Variants in SNX29 observed in about 807,000 individuals in gnomAD.
SNX29 encodes sorting nexin-29.
In SNX29, 78 loss-of-function variants were observed where a neutral mutation model predicts 102.1. The ratio of observed to expected loss-of-function variants is 0.76; its 90% CI spans 0.64 to 0.92. SNX29 has a LOEUF of 0.92. SNX29 is among the 40% of genes least tolerant of loss of function. SNX29 has a pLI of 0.00. For synonymous variants in SNX29, 580 were observed against 414.5 expected (o/e 1.40, Z -4.85); for missense variants, 1,280 against 1,061.7 (o/e 1.21, Z -2.86).
intron 13 of SNX29, among the ~76,000 whole-genome samples, chr16:12,163,735 G>T (rs1366278941): frequency 6.6e-6 from 1 of 152,150 alleles, no homozygotes. Context: ...GTTCAGCCAG[G>T]GCTGAGGACT....
intron 14 of SNX29, among the ~76,000 whole-genome samples, chr16:12,231,329 C>A (rs576698686): frequency 4.6e-5 from 7 of 152,184 alleles, no homozygotes; most frequent in Admixed American, 2.0e-4. Context: ...TTTTCCCTCT[C>A]TGTAGACACT....
intron 18 of SNX29, among the ~76,000 whole-genome samples, chr16:12,466,550 C>T (rs887715904): frequency 6.6e-6 from 1 of 152,186 alleles, no homozygotes; most frequent in Non-Finnish European, 1.5e-5. Context: ...TCCAGAGTCG[C>T]GGCCTGTCTT....
rs34150245 is a variant in SNX29 at position 12,058,797 on chromosome 16, GTT to G, written c.1125-2705_1125-2704del. Among the ~76,000 whole-genome samples the G allele has an allele frequency of 9.0e-4, 102 of 113,750 alleles. 3 individuals are homozygous for G. Among genetic ancestry groups the G allele is most frequent in the African/African-American group, 2.5e-3 (75 of 30,002 alleles). 74.6% of individuals were successfully genotyped at this position (113,750 alleles called of 152,430 possible). ...GTGTGAGCCACAGCACCCGGCCTGG[GTT>G]TTTTTTTTTTTTTTTTTTTTTTTTT... On this transcript the variant is annotated intron_variant, in intron 8 of 20. Coordinates refer to ENST00000566228, the MANE Select transcript of SNX29 (RefSeq NM_032167.5).
rs769196640 is a variant in SNX29, at chr16:12,129,693, C to T, written c.1530C>T (p.Asp510=). ...EHSAALRQEV[D]TLKRKVAEQE... ...CAGCCGCGCTCCGGCAAGAGGTGGA[C>T]ACCTTGAAAAGGAAGGTGGCTGAAC... is the stretch of plus-strand genomic sequence containing the variant. The change falls in exon 13 of 21, where the codon GAC becomes GAT. Residue 510 remains aspartate (D), a synonymous_variant. Coordinates refer to ENST00000566228, the MANE Select transcript of SNX29 (RefSeq NM_032167.5). The T allele has an allele frequency of 1.6e-5, 26 of 1,611,110 alleles. No homozygotes were observed. The highest frequency in any genetic ancestry group is 2.0e-5 in the Non-Finnish European group (24 of 1,179,512).
chr16:12,290,033 G>A (rs2079739394), intron 15 of SNX29, among the ~76,000 whole-genome samples: 1 of 152,162 alleles, frequency 6.6e-6, no homozygotes, highest in Non-Finnish European at 1.5e-5. Context: ...CTGAGACAGG[G>A]CGGAGGGAGG....
chr16:12,037,068 A>G (rs1567551108), intron 4 of SNX29, among the ~76,000 whole-genome samples: 1 of 152,194 alleles, frequency 6.6e-6, no homozygotes, highest in South Asian at 2.1e-4. Context: ...AATGGCCCCA[A>G]GTAGCTCCAG....
chr16:12,542,939 T>A (rs2077409109), intron 20 of SNX29, among the ~76,000 whole-genome samples: 1 of 152,144 alleles, frequency 6.6e-6, no homozygotes, highest in Non-Finnish European at 1.5e-5. Flanking sequence ...AGAGCCCTAC[T>A]TCAAATTAGC....
intron 15 of SNX29, among the ~76,000 whole-genome samples, chr16:12,310,960 A>G (rs1296419720): frequency 6.6e-6 from 1 of 152,238 alleles, no homozygotes. Context: ...TCTTTCCTAA[A>G]TAACAGCTGT....
chr16:12,234,749 C>T (rs1379445151), intron 14 of SNX29, among the ~76,000 whole-genome samples: 1 of 152,184 alleles, frequency 6.6e-6, no homozygotes, highest in Non-Finnish European at 1.5e-5. Context: ...TTCATTCCCT[C>T]TCTGGACTTA....
At chr16:12,546,271 G>C (rs988758058) in intron 20 of SNX29, 3 of 152,218 alleles carry the variant, frequency 2.0e-5, no homozygotes, top group Non-Finnish European at 2.9e-5. Flanking sequence ...AACTGTATTA[G>C]TCCGTTTTCA....
At chr16:12,162,124 G>A (rs1465575139) in intron 13 of SNX29, among the ~76,000 whole-genome samples, 1 of 152,074 alleles carries the variant, frequency 6.6e-6, no homozygotes, top group African/African-American at 2.4e-5. Context: ...TGAAACACCA[G>A]GCTTGTTCCA....
At chr16:12,512,369 A>AATATATATATATATATATATAT (rs58157322) in intron 19 of SNX29, among the ~76,000 whole-genome samples, 6 of 43,952 alleles carry the variant, frequency 1.4e-4, no homozygotes, top group Non-Finnish European at 2.1e-4. Context: ...GCCCAGGGAA[A>AATATATATATATATATATATAT]ATATATATAT....
intron 4 of SNX29, among the ~76,000 whole-genome samples, chr16:12,033,610 C>CTT (rs869128492): frequency 5.0e-5 from 7 of 140,116 alleles, no homozygotes; most frequent in South Asian, 2.3e-4. Flanking sequence ...TTTCTTTTTT[C>CTT]TTTTTTTTTT....
At chr16:12,385,520 C>T (rs967737611) in intron 16 of SNX29, among the ~76,000 whole-genome samples, 1 of 152,210 alleles carries the variant, frequency 6.6e-6, no homozygotes, top group African/African-American at 2.4e-5. Context: ...GAGGCCAGCA[C>T]TCAGGGCCCT....
intron 16 of SNX29, among the ~76,000 whole-genome samples, chr16:12,390,666 T>C (rs2083498437): frequency 6.6e-6 from 1 of 152,002 alleles, no homozygotes; most frequent in Non-Finnish European, 1.5e-5. Context: ...TCAGCGGGTT[T>C]TCCACAGAGC....
intron 15 of SNX29, among the ~76,000 whole-genome samples, chr16:12,335,370 G>C (rs2081415393): frequency 6.6e-6 from 1 of 152,070 alleles, no homozygotes. Flanking sequence ...GTGATGTTTA[G>C]TGGTGACTAT....
intron 16 of SNX29, among the ~76,000 whole-genome samples, chr16:12,382,978 C>G (rs2083226564): frequency 6.6e-6 from 1 of 152,170 alleles, no homozygotes; most frequent in African/African-American, 2.4e-5. Flanking sequence ...TCCACATTTA[C>G]AAGTCACATT....
At chr16:12,011,305 G>A (rs188368283) in intron 3 of SNX29, among the ~76,000 whole-genome samples, 40 of 148,044 alleles carry the variant, frequency 2.7e-4, no homozygotes, top group Non-Finnish European at 5.0e-4. Flanking sequence ...AGACAGGATC[G>A]CACTCTGTCG....
At chr16:12,364,118 G>C (rs540475134) in intron 16 of SNX29, among the ~76,000 whole-genome samples, 2 of 151,920 alleles carry the variant, frequency 1.3e-5, no homozygotes, top group South Asian at 4.2e-4. Context: ...TCAGTCTCTG[G>C]AGTAGCTAGG....
Sources: gnomAD v4.1 joint callset for allele counts (sites outside exome capture counted in the v4.1 genomes callset) on GRCh38, gnomAD v4.1.1 for gene constraint, MANE v1.5 for transcripts, NCBI Gene and HGNC (gene_info 2026-07-23, HGNC 2026-07-21) for gene names.